CAST: variants seen among roughly 807,000 people sequenced by gnomAD.
The protein encoded by CAST is calpastatin.
In CAST, 76 loss-of-function variants were observed where a neutral mutation model predicts 119.6. That is an observed-to-expected ratio of 0.64 (90% confidence interval 0.53 to 0.77). The LOEUF (loss-of-function observed/expected upper bound fraction) is 0.77. Ranked by LOEUF, CAST falls within the 30% of genes least tolerant of loss-of-function variation. The probability of loss-of-function intolerance (pLI) is 0.00; values close to 1 mark genes in which losing one functional copy is unlikely to be tolerated. For synonymous variants in CAST, 319 were observed against 331.6 expected, an observed-to-expected ratio of 0.96 and a Z score of 0.41; for missense variants, 953 against 946.5, an observed-to-expected ratio of 1.01 and a Z score of -0.09.
the CAST span, among the ~76,000 whole-genome samples, chr5:96,072,829 C>T: frequency 3.9e-5 from 6 of 152,248 alleles, no homozygotes; most frequent in South Asian, 6.2e-4. Flanking sequence ...TCAACCTGTG[C>T]GTGTGCACAC....
the CAST span, among the ~76,000 whole-genome samples, chr5:96,068,244 C>A: frequency 1.3e-5 from 2 of 152,018 alleles, no homozygotes; most frequent in African/African-American, 2.4e-5. Flanking sequence ...CTGTCTGAAC[C>A]CTGGTCTCTT....
the CAST span, among the ~76,000 whole-genome samples, chr5:95,995,718 G>A: frequency 6.6e-6 from 1 of 152,200 alleles, no homozygotes; most frequent in Middle Eastern, 3.4e-3. Flanking sequence ...GTATGATAAA[G>A]GGGAGGAGGC....
At chr5:96,141,675 A>G in the CAST span, among the ~76,000 whole-genome samples, 1 of 152,198 alleles carries the variant, frequency 6.6e-6, no homozygotes, top group Non-Finnish European at 1.5e-5. Flanking sequence ...TGAAAATCCT[A>G]TTCAAAGCTG....
At chr5:96,133,352 G>A in the CAST span, among the ~76,000 whole-genome samples, 1 of 151,656 alleles carries the variant, frequency 6.6e-6, no homozygotes, top group East Asian at 1.9e-4. Flanking sequence ...CTCCCTCAAT[G>A]AGGTAATTTT....
the CAST span, among the ~76,000 whole-genome samples, chr5:96,456,273 G>A: frequency 0.013 from 1,951 of 152,250 alleles, 34 homozygotes; most frequent in East Asian, 0.037. Context: ...TTTAATGCTG[G>A]AAACTAAATC....
chr5:96,536,682 T>G (rs770152770), intron 1 of CAST, among the ~76,000 whole-genome samples: 7 of 152,230 alleles, frequency 4.6e-5, no homozygotes, highest in Non-Finnish European at 1.0e-4. Flanking sequence ...CAAGTAAATC[T>G]TTTTTGAGCT....
chr5:96,582,984 T>C (rs1289075250), intron 1 of CAST, among the ~76,000 whole-genome samples: 1 of 152,178 alleles, frequency 6.6e-6, no homozygotes, highest in Non-Finnish European at 1.5e-5. Flanking sequence ...TGCTAGAATT[T>C]TTATAGACCC....
the CAST span, among the ~76,000 whole-genome samples, chr5:96,341,730 A>T: frequency 6.6e-6 from 1 of 152,192 alleles, no homozygotes; most frequent in African/African-American, 2.4e-5. Context: ...GTAATGGTAA[A>T]AACAATAAAA....
chr5:96,685,104 A>G (rs1269999424), intron 2 of CAST, among the ~76,000 whole-genome samples: 1 of 151,594 alleles, frequency 6.6e-6, no homozygotes, highest in Non-Finnish European at 1.5e-5. Flanking sequence ...TATACCCTTC[A>G]TTATCTTATT....
chr5:96,532,918 G>A (rs1946628), intron 1 of CAST, among the ~76,000 whole-genome samples: 93,607 of 151,646 alleles, frequency 0.62, 29,227 homozygotes, highest in East Asian at 0.87. Context: ...CCAGCTACTC[G>A]AGAGGCTGAG....
chr5:96,410,843 C>T, the CAST span: 1 of 1,614,074 alleles, frequency 6.2e-7, no homozygotes, highest in Admixed American at 1.7e-5. Flanking sequence ...TCTCAGCGTA[C>T]CAGGGGGATA....
At chr5:96,522,112 T>C (rs1328409604), upstream of CAST, among the ~76,000 whole-genome samples, 2 of 146,738 alleles carry the variant, frequency 1.4e-5, no homozygotes, top group African/African-American at 4.9e-5. Context: ...CAAGACTCTG[T>C]CTCAAAAAAA....
the CAST span, among the ~76,000 whole-genome samples, chr5:96,244,129 T>C: frequency 1.3e-5 from 2 of 152,200 alleles, no homozygotes; most frequent in Admixed American, 6.5e-5. Context: ...CCCAGGGCAG[T>C]GTAGTTTCTG....
At chr5:96,010,306 A>C in the CAST span, among the ~76,000 whole-genome samples, 3 of 151,934 alleles carry the variant, frequency 2.0e-5, no homozygotes, top group African/African-American at 7.3e-5. Context: ...GATTTTTAGA[A>C]TATATTTTTT....
At chr5:96,664,104 G>C (rs1319557973) in intron 1 of CAST, among the ~76,000 whole-genome samples, 2 of 152,072 alleles carry the variant, frequency 1.3e-5, no homozygotes, top group East Asian at 3.9e-4. Context: ...ACATTCTTTG[G>C]AGCTAGCTAC....
chr5:96,770,599 A>G lies in CAST; in HGVS notation c.2337A>G (p.Ala779=). Residue 779 remains alanine, a synonymous_variant, in exon 30 of 32, where the codon GCA becomes GCG. Coordinates refer to ENST00000675179, the MANE Select transcript of CAST (RefSeq NM_001750.7). ...PKNGGKAKDS[A]KTTEETSKPK... is the part of the protein sequence containing the mutation. ...ATGGAGGTAAAGCGAAGGATTCAGC[A>G]AAGGTAAATGGAGCAGTAAATATAC... The G allele has an allele frequency of 6.2e-7, 1 of 1,607,570 alleles. No homozygotes were observed. The highest frequency in any genetic ancestry group is 1.1e-5 in the South Asian group (1 of 90,970).
the CAST span, among the ~76,000 whole-genome samples, chr5:96,293,821 A>G: frequency 6.6e-6 from 1 of 151,736 alleles, no homozygotes. Flanking sequence ...GCAGTAGCCC[A>G]ATCTCAGCTC....
At chr5:96,069,254 T>G in the CAST span, among the ~76,000 whole-genome samples, 1 of 152,014 alleles carries the variant, frequency 6.6e-6, no homozygotes, top group Admixed American at 6.6e-5. Context: ...ATGTTTATAT[T>G]ACACATATAT....
chr5:96,408,166 T>A, the CAST span: 2 of 1,255,032 alleles, frequency 1.6e-6, no homozygotes, highest in East Asian at 2.4e-5. Context: ...AAAAGTGTTA[T>A]TAAAAATAAG....
Sources: gnomAD v4.1 joint callset for allele counts (sites outside exome capture counted in the v4.1 genomes callset) on GRCh38, gnomAD v4.1.1 for gene constraint, MANE v1.5 for transcripts, NCBI Gene and HGNC (gene_info 2026-07-23, HGNC 2026-07-21) for gene names.